MCCC2: variants seen among roughly 807,000 people sequenced by gnomAD.
MCCC2 encodes the protein methylcrotonoyl-CoA carboxylase beta chain, mitochondrial.
Under a neutral mutation model 77.2 loss-of-function variants are expected in MCCC2, and 52 were observed. The ratio of observed to expected loss-of-function variants is 0.67; its 90% CI spans 0.54 to 0.85. The LOEUF is 0.85. Among genes scored for constraint, MCCC2 ranks in the 40% least tolerant of loss-of-function variants. The pLI is 0.00. For missense variants in MCCC2, 682 were observed against 703.2 expected (o/e 0.97, Z 0.34); for synonymous variants, 253 against 248.4 (o/e 1.02, Z -0.18).
At chr5:71,593,209 TCCCAAGTTGTTGGGATTACAGGTGC>T (rs1235787659) in intron 2 of MCCC2, among the ~76,000 whole-genome samples, 2 of 151,818 alleles carry the variant, frequency 1.3e-5, no homozygotes, top group African/African-American at 4.8e-5. Flanking sequence ...TGCCTCAGCC[TCCCAAGTTGTTGGGATTACAGGTGC>T]CTGCCTCCAT....
intron 5 of MCCC2, among the ~76,000 whole-genome samples, chr5:71,603,482 A>G (rs965852194): frequency 6.6e-6 from 1 of 151,724 alleles, no homozygotes; most frequent in Non-Finnish European, 1.5e-5. Flanking sequence ...AAATTCCAAC[A>G]TACGTTGTTC....
intron 2 of MCCC2, among the ~76,000 whole-genome samples, chr5:71,595,448 G>T (rs1168741961): frequency 8.9e-6 from 1 of 112,278 alleles, no homozygotes; most frequent in Non-Finnish European, 2.1e-5. Flanking sequence ...AAAAAAAAAG[G>T]TCCTACTTGG....
intron 15 of MCCC2, 112 bp downstream of exon 15, chr5:71,650,295 C>T (rs539189780): frequency 1.5e-5 from 12 of 802,100 alleles, no homozygotes; most frequent in Non-Finnish European, 1.5e-5. Context: ...GGGGACCTGG[C>T]GCACACTGCC....
chr5:71,650,030 A>G (rs1164783176), intron 14 of MCCC2, 39 bp from the exon 15 acceptor site: 4 of 1,507,892 alleles, frequency 2.7e-6, no homozygotes, highest in Non-Finnish European at 3.7e-6. Flanking sequence ...TATGTTGTAT[A>G]TTGACTTAAT....
At chr5:71,598,996 C>G (rs1006580545) in intron 3 of MCCC2, among the ~76,000 whole-genome samples, 7 of 151,790 alleles carry the variant, frequency 4.6e-5, no homozygotes, top group African/African-American at 1.7e-4. Flanking sequence ...TGGGCTCAAG[C>G]AGTCCACCCA....
chr5:71,604,431 A>G lies in MCCC2; in HGVS notation c.587A>G (p.Tyr196Cys), dbSNP rs1422349849. ...CGAGACCACTTTGGCCGTACATTCT[A>G]TAATCAGGCAATTATGTCTTCTAAA... ...PDRDHFGRTF[Y>C]NQAIMSSKNI... Residue 196 changes from tyrosine to cysteine, a missense_variant, in exon 6 of 17, where the codon TAT (tyrosine) becomes TGT (cysteine). Transcript: ENST00000340941. The G allele has an allele frequency of 1.2e-6, 2 of 1,614,070 alleles. No homozygotes were observed. Among genetic ancestry groups the G allele is most frequent in the Non-Finnish European group, 1.7e-6 (2 of 1,180,044 alleles).
intron 8 of MCCC2, 135 bp downstream of exon 8, chr5:71,632,320 G>A (rs1369033624): frequency 2.4e-6 from 2 of 824,142 alleles, no homozygotes; most frequent in East Asian, 2.6e-5. Context: ...TGATCTGCTG[G>A]TTTAATGTTC....
rs532828317 is a variant in MCCC2 at position 71,614,609 on chromosome 5, G to A, written c.624+10141G>A. 2.6e-5 allele frequency among the ~76,000 whole-genome samples: 4 copies of A among 151,066 alleles called. No individual in the cohort carries two copies. In the South Asian group the frequency reaches 6.3e-4, roughly 24 times the overall value. On this transcript the variant is annotated intron_variant, in intron 6 of 16. Transcript: ENST00000340941. Reference sequence around the variant, plus strand: ...AGGGATTCTTCTGCCTCAGCCTCCCGAGTAGCTGGGACTATAGGCACATGC... The same window carrying A: ...AGGGATTCTTCTGCCTCAGCCTCCCAAGTAGCTGGGACTATAGGCACATGC...
At chr5:71,596,182 A>T (rs1745179224) in intron 2 of MCCC2, 98 bp from the exon 3 acceptor site, 2 of 1,111,466 alleles carry the variant, frequency 1.8e-6, no homozygotes, top group Non-Finnish European at 2.7e-6. Flanking sequence ...TTGAACTTTT[A>T]AAAAGTGCTA....
intron 3 of MCCC2, among the ~76,000 whole-genome samples, chr5:71,597,961 T>C (rs946271958): frequency 2.0e-5 from 3 of 152,202 alleles, no homozygotes; most frequent in African/African-American, 7.2e-5. Flanking sequence ...CTGTGTAACC[T>C]TAGACAAGTG....
chr5:71,599,760 G>T lies in MCCC2; in HGVS notation c.383G>T (p.Gly128Val). The T allele has an allele frequency of 6.2e-7, 1 of 1,611,828 alleles. No individual in the cohort carries two copies. Among genetic ancestry groups the T allele is most frequent in the Non-Finnish European group, 8.5e-7 (1 of 1,177,920 alleles). ...ATTACAGGCATTGGAAGAGTATCAG[G>T]GTGAGTATTCTACTTGTGCTTCATA... is the stretch of plus-strand genomic sequence containing the variant. ...GIITGIGRVS[G>V]VECMIIANDA... The change falls in exon 4 of 17, where the codon GGA becomes GTA. Residue 128 changes from glycine to valine, a missense_variant and splice_region_variant. Coordinates refer to ENST00000340941, the MANE Select transcript of MCCC2 (RefSeq NM_022132.5).
chr5:71,641,105 C>A (rs1275457159), intron 11 of MCCC2, 30 bp downstream of exon 11: 3 of 1,575,092 alleles, frequency 1.9e-6, no homozygotes, highest in Admixed American at 1.7e-5. Context: ...AAAATACGAA[C>A]ATTTTCTGCT....
chr5:71,649,349 A>G, intron 14 of MCCC2, 96 bp downstream of exon 14: 1 of 1,193,316 alleles, frequency 8.4e-7, no homozygotes, highest in Non-Finnish European at 1.2e-6. Context: ...ATAGAATGCC[A>G]TTCCCAGATC....
chr5:71,599,214 C>T (rs1472289493), intron 3 of MCCC2, among the ~76,000 whole-genome samples: 1 of 151,926 alleles, frequency 6.6e-6, no homozygotes, highest in Non-Finnish European at 1.5e-5. Flanking sequence ...ACTAAAAATA[C>T]AAAAAATTAG....
Position 71,632,179 on chromosome 5 carries a change from A to T in MCCC2, c.797A>T (p.His266Leu). The T allele has an allele frequency of 6.2e-7, 1 of 1,614,074 alleles. No homozygotes were observed. The highest frequency in any genetic ancestry group is 8.5e-7 in the Non-Finnish European group (1 of 1,179,938). The change falls in exon 8 of 17, where the codon CAT becomes CTT. Residue 266 changes from histidine to leucine, a missense_variant. Transcript: ENST00000340941. The part of the protein sequence containing the change: ...SAEDLGGADL[H>L]CRKSGVSDHW... ...GAGGATCTTGGAGGTGCTGATCTTC[A>T]TTGCAGGTGAAACAGAAATGGTTGT...
At chr5:71,612,285 A>G (rs1470584004) in intron 6 of MCCC2, among the ~76,000 whole-genome samples, 1 of 152,112 alleles carries the variant, frequency 6.6e-6, no homozygotes, top group Non-Finnish European at 1.5e-5. Context: ...TAAGTTTGTC[A>G]TATTTTTATT....
chr5:71,621,476 C>T (rs1316586451), intron 6 of MCCC2, among the ~76,000 whole-genome samples: 1 of 152,144 alleles, frequency 6.6e-6, no homozygotes, highest in Non-Finnish European at 1.5e-5. Context: ...CACCTGTAGT[C>T]GCAGCTACTC....
rs763293192 is a variant in MCCC2 at position 71,643,827 on chromosome 5, C to T, written c.1081C>T (p.Arg361Ter). 1.9e-6 allele frequency: 3 copies of T among 1,613,996 alleles called. No homozygotes were observed. Among genetic ancestry groups the T allele is most frequent in the East Asian group, 2.2e-5 (1 of 44,862 alleles). ...YGDTLVTGFA[R>*]IFGYPVGIVG... is the part of the protein sequence containing the mutation. ...TTGAACTTTCTTTTGAGGATTTGCTCGAATATTTGGGTACCCAGTAGGTAT... is the reference window on the plus strand; with the variant it reads ...TTGAACTTTCTTTTGAGGATTTGCTTGAATATTTGGGTACCCAGTAGGTAT... Residue 361 changes from arginine (R) to a stop codon, truncating the protein, a stop_gained, in exon 12 of 17, where the codon CGA (arginine) becomes TGA (stop). Coordinates refer to ENST00000340941, the MANE Select transcript of MCCC2 (RefSeq NM_022132.5). LOFTEE classifies it high-confidence loss of function.
chr5:71,637,503 A>G (rs1746971390), intron 10 of MCCC2, among the ~76,000 whole-genome samples: 1 of 152,238 alleles, frequency 6.6e-6, no homozygotes, highest in Non-Finnish European at 1.5e-5. Flanking sequence ...GCTAACAATC[A>G]TCTGAACCTT....
Sources: allele counts gnomAD v4.1 joint callset (sites outside exome capture counted in the v4.1 genomes callset), GRCh38; gene constraint gnomAD v4.1.1; transcripts MANE v1.5; gene names NCBI Gene and HGNC (gene_info 2026-07-23, HGNC 2026-07-21).